The following CNTNAP5 variants were observed in gnomAD, a reference collection of about 807,000 sequenced individuals.
CNTNAP5 encodes the protein contactin-associated protein-like 5.
CNTNAP5 carries 72 observed loss-of-function variants against 150.2 expected under a neutral mutation model. That is an observed-to-expected ratio of 0.48 (90% CI 0.40 to 0.58). The LOEUF (loss-of-function observed/expected upper bound fraction) is 0.58, where lower values mean the gene tolerates loss of function less well. Among genes scored for constraint, CNTNAP5 ranks in the 20% least tolerant of loss-of-function variants. The probability of loss-of-function intolerance (pLI) is 0.00; values close to 1 mark genes in which losing one functional copy is unlikely to be tolerated. For synonymous variants in CNTNAP5, 672 were observed against 619.8 expected, an observed-to-expected ratio of 1.08 and a Z score of -1.25; for missense variants, 1,636 against 1,626.2, an observed-to-expected ratio of 1.01 and a Z score of -0.10.
chr2:124,898,898 T>C lies in CNTNAP5; in HGVS notation c.3437-3984T>C, dbSNP rs1678361404. ...ACAGTATGCTTTCATTATGGCGATA[T>C]GTTAGTCAAAGGATGAACATTTAGT... On this transcript the variant is annotated intron_variant, in intron 21 of 23. Transcript: ENST00000682447. 2.0e-5 allele frequency among the ~76,000 whole-genome samples: 3 copies of C among 151,562 alleles called. 1 individual carries two copies. Among genetic ancestry groups the C allele is most frequent in the Admixed American group, 2.0e-4 (3 of 15,240 alleles).
intron 3 of CNTNAP5, among the ~76,000 whole-genome samples, chr2:124,290,603 C>T (rs779685514): frequency 2.0e-4 from 31 of 152,264 alleles, no homozygotes; most frequent in Middle Eastern, 6.8e-3. Flanking sequence ...ATGCTCTCAC[C>T]GAACAGAATA....
chr2:124,831,807 C>A (rs992332894), intron 19 of CNTNAP5, among the ~76,000 whole-genome samples: 1 of 151,228 alleles, frequency 6.6e-6, no homozygotes, highest in Non-Finnish European at 1.5e-5. Context: ...AAGTATTTAC[C>A]TAATTTATTA....
chr2:124,759,215 A>G (rs1242548576), intron 14 of CNTNAP5, among the ~76,000 whole-genome samples: 2 of 151,806 alleles, frequency 1.3e-5, no homozygotes, highest in African/African-American at 4.8e-5. Context: ...AATCATCAAG[A>G]TCTAAGTGGT....
intron 6 of CNTNAP5, among the ~76,000 whole-genome samples, chr2:124,467,617 G>A (rs992504584): frequency 6.6e-6 from 1 of 152,122 alleles, no homozygotes; most frequent in South Asian, 2.1e-4. Context: ...TAGCCTATAA[G>A]TGTTTATAAA....
In CNTNAP5 at chr2:124,025,419, G is replaced by A. The variant is rs372104176; in HGVS notation, c.-232G>A. Reference sequence around the variant, plus strand: ...AGGAAGAGGCGGGCGAGGAAGGCGAGTCCAGCTAGCGGCTGTTGCGGGGAC... The same window carrying A: ...AGGAAGAGGCGGGCGAGGAAGGCGAATCCAGCTAGCGGCTGTTGCGGGGAC... On this transcript the variant is annotated 5_prime_UTR_variant, in exon 1 of 24. Transcript: ENST00000682447. The A allele has an allele frequency of 1.7e-6, 1 of 573,108 alleles. No homozygotes were observed. The highest frequency in any genetic ancestry group is 3.1e-6 in the Non-Finnish European group (1 of 319,552). The allele number at this position is 573,108 out of a possible 1,614,324, so 35.5% of individuals were successfully genotyped here. A position where few individuals can be genotyped will look rare whatever the true frequency, so the allele number is the denominator to read the frequency against.
At chr2:124,380,768 G>A (rs1690771233) in intron 3 of CNTNAP5, among the ~76,000 whole-genome samples, 1 of 152,140 alleles carries the variant, frequency 6.6e-6, no homozygotes, top group Admixed American at 6.5e-5. Flanking sequence ...TATGCGCAAG[G>A]CACTGTTTTA....
intron 16 of CNTNAP5, among the ~76,000 whole-genome samples, chr2:124,768,274 TG>T (rs1447794327): frequency 1.4e-4 from 3 of 21,194 alleles, no homozygotes; most frequent in African/African-American, 5.9e-4. Flanking sequence ...TGTATGTATG[TG>T]TGTGTGTGTG....
intron 14 of CNTNAP5, among the ~76,000 whole-genome samples, chr2:124,759,938 CTTTTTTTTT>C (rs571408475): frequency 8.4e-5 from 7 of 83,646 alleles, no homozygotes; most frequent in Admixed American, 7.1e-4. Context: ...ACTCCTCGGT[CTTTTTTTTT>C]TTTTTTTTTT....
chr2:124,559,026 C>T (rs532274801), intron 10 of CNTNAP5, among the ~76,000 whole-genome samples: 4 of 152,148 alleles, frequency 2.6e-5, no homozygotes, highest in African/African-American at 9.7e-5. Context: ...AAAAGAAATA[C>T]TTTGTTTCTT....
rs934883465 is a variant in CNTNAP5 at position 124,356,991 on chromosome 2, T to A, written c.382-60452T>A. Among the ~76,000 whole-genome samples the A allele has an allele frequency of 2.0e-5, 3 of 152,262 alleles. 1 individual carries two copies. The highest frequency in any genetic ancestry group is 6.8e-3 in the Middle Eastern group (2 of 294). On this transcript the variant is annotated intron_variant, in intron 3 of 23. Transcript: ENST00000682447. ...CTGTTGTTTCCTGACTTTTTAATGA[T>A]TGCCATTCTAACTGGTGTGAGATGG... is the stretch of plus-strand genomic sequence containing the variant.
At chr2:124,870,200 A>G (rs1677715750) in intron 21 of CNTNAP5, among the ~76,000 whole-genome samples, 2 of 151,166 alleles carry the variant, frequency 1.3e-5, no homozygotes, top group South Asian at 2.1e-4. Flanking sequence ...CACTTTATAT[A>G]TGATGACAGT....
chr2:124,564,033 TG>T (rs1321731033), intron 11 of CNTNAP5, among the ~76,000 whole-genome samples: 1 of 152,196 alleles, frequency 6.6e-6, no homozygotes, highest in South Asian at 2.1e-4. Flanking sequence ...AATGACTGCC[TG>T]TCAACCGCAG....
chr2:124,538,721 T>C (rs780880362), intron 10 of CNTNAP5, among the ~76,000 whole-genome samples: 53 of 152,102 alleles, frequency 3.5e-4, no homozygotes, highest in Non-Finnish European at 1.2e-4. Context: ...ATGTTTTAGA[T>C]GGCAGAGTAG....
chr2:124,318,144 G>A (rs1476371172), intron 3 of CNTNAP5, among the ~76,000 whole-genome samples: 1 of 152,152 alleles, frequency 6.6e-6, no homozygotes, highest in African/African-American at 2.4e-5. Flanking sequence ...ACACACCAGT[G>A]GGTCCTGGTT....
At chr2:124,694,227 A>C in intron 13 of CNTNAP5, among the ~76,000 whole-genome samples, 1 of 152,198 alleles carries the variant, frequency 6.6e-6, no homozygotes, top group East Asian at 1.9e-4. Context: ...TATTTAAAAA[A>C]ATAGTTTTGT....
chr2:124,306,265 CCT>C (rs1434628531), intron 3 of CNTNAP5, among the ~76,000 whole-genome samples: 10 of 152,274 alleles, frequency 6.6e-5, no homozygotes, highest in Middle Eastern at 6.8e-3. Flanking sequence ...TCGCTCCCAC[CCT>C]CTCAGTCTCA....
intron 19 of CNTNAP5, among the ~76,000 whole-genome samples, chr2:124,830,575 A>T (rs1417567770): frequency 1.3e-5 from 2 of 152,058 alleles, no homozygotes; most frequent in African/African-American, 4.8e-5. Flanking sequence ...GAATGTAAAC[A>T]CAAAACTAGT....
chr2:124,196,101 T>C (rs1173062961), intron 1 of CNTNAP5, among the ~76,000 whole-genome samples: 5 of 152,048 alleles, frequency 3.3e-5, no homozygotes, highest in Non-Finnish European at 7.4e-5. Flanking sequence ...ATGTAATGAT[T>C]TAAAAAATGC....
intron 2 of CNTNAP5, among the ~76,000 whole-genome samples, chr2:124,223,656 G>T (rs1042900706): frequency 1.3e-5 from 2 of 151,818 alleles, no homozygotes; most frequent in African/African-American, 4.8e-5. Context: ...GTTTCTGGGG[G>T]AAGCTGTGGG....
Sources: gnomAD v4.1 joint callset for allele counts (sites outside exome capture counted in the v4.1 genomes callset) on GRCh38, gnomAD v4.1.1 for gene constraint, MANE v1.5 for transcripts, NCBI Gene and HGNC (gene_info 2026-07-23, HGNC 2026-07-21) for gene names.